AQP9: variants seen among roughly 807,000 people sequenced by gnomAD.
AQP9 encodes aquaporin 9, also known as aquaporin-9.
In AQP9, 19 loss-of-function variants were observed where a neutral mutation model predicts 23.8. The observed-to-expected ratio is 0.80, with a 90% CI of 0.56 to 1.17. AQP9 has a LOEUF of 1.17. Among genes scored for constraint, AQP9 ranks in the 50% most tolerant of loss-of-function variants. The probability of loss-of-function intolerance (pLI) is 0.00; values close to 1 mark genes in which losing one functional copy is unlikely to be tolerated. For synonymous variants in AQP9, 153 were observed against 131.5 expected, an observed-to-expected ratio of 1.16 and a Z score of -1.12; for missense variants, 413 against 362.0, an observed-to-expected ratio of 1.14 and a Z score of -1.14.
chr15:58,152,629 T>C (rs890175491), intron 1 of AQP9: 1 of 152,114 alleles, frequency 6.6e-6, no homozygotes, highest in Admixed American at 6.6e-5. Flanking sequence ...ACCACTATTA[T>C]AAAAACACTA....
intron 1 of AQP9, among the ~76,000 whole-genome samples, chr15:58,147,953 A>G (rs1898079132): frequency 6.6e-6 from 1 of 152,160 alleles, no homozygotes; most frequent in Non-Finnish European, 1.5e-5. Context: ...TTTTGACAAC[A>G]TACCAGGAAG....
Position 58,184,971 on chromosome 15 carries a change from G to T in AQP9, c.*836G>T, listed in dbSNP as rs1261964584. 2 of 152,092 alleles carry T rather than the reference G, an allele frequency of 1.3e-5. No individual in the cohort carries two copies. Among genetic ancestry groups the T allele is most frequent in the East Asian group, 1.9e-4 (1 of 5,196 alleles). 9.4% of individuals were successfully genotyped at this position (152,092 alleles called of 1,614,324 possible). A position where few individuals can be genotyped will look rare whatever the true frequency, so the allele number is the denominator to read the frequency against. Reference sequence around the variant, plus strand: ...ATTGCCCACTTGAGAACAGACATTTGACAAGTTATATCAACGACTGTGCTT... The same window carrying T: ...ATTGCCCACTTGAGAACAGACATTTTACAAGTTATATCAACGACTGTGCTT... On this transcript the variant is annotated 3_prime_UTR_variant, in exon 6 of 6. Coordinates refer to ENST00000219919, the MANE Select transcript of AQP9 (RefSeq NM_020980.5).
rs769134578 is a variant in AQP9, at chr15:58,173,199, T to C, written c.370T>C (p.Tyr124His). The C allele has an allele frequency of 6.2e-7, 1 of 1,614,040 alleles. No individual in the cohort carries two copies. The highest frequency in any genetic ancestry group is 1.3e-5 in the African/African-American group (1 of 74,932). The change falls in exon 3 of 6, where the codon TAC becomes CAC. Residue 124 changes from tyrosine to histidine, a missense_variant. By Grantham distance (83) the Tyr-to-His change is moderately conservative. Coordinates refer to ENST00000219919, the MANE Select transcript of AQP9 (RefSeq NM_020980.5). ...GGGGGCTGCAACCGTCTTTGGCATTTACTATGGTGAGTAAAGTCCCTGAGT... is the reference window on the plus strand; with the variant it reads ...GGGGGCTGCAACCGTCTTTGGCATTCACTATGGTGAGTAAAGTCCCTGAGT... ...FVGAATVFGI[Y>H]YDGLMSFAGG...
intron 3 of AQP9, 97 bp downstream of exon 3, chr15:58,173,302 G>GGAA: frequency 6.5e-7 from 1 of 1,534,172 alleles, no homozygotes; most frequent in Non-Finnish European, 8.9e-7. Context: ...AGCAAGGACG[G>GGAA]GAAGCATTCT....
At chr15:58,182,071 A>G (rs1352052707) in intron 5 of AQP9, among the ~76,000 whole-genome samples, 1 of 152,172 alleles carries the variant, frequency 6.6e-6, no homozygotes, top group Non-Finnish European at 1.5e-5. Flanking sequence ...TGGCAGGTAC[A>G]GCGAGATGCC....
chr15:58,151,749 T>C (rs1190420951), intron 1 of AQP9: 2 of 152,112 alleles, frequency 1.3e-5, no homozygotes, highest in Admixed American at 1.3e-4. Context: ...ATGACTCTCA[T>C]AGCAAAAATA....
intron 1 of AQP9, among the ~76,000 whole-genome samples, chr15:58,157,220 G>A (rs1255160129): frequency 1.3e-5 from 2 of 151,900 alleles, no homozygotes; most frequent in African/African-American, 4.8e-5. Flanking sequence ...CCTGCAGCAG[G>A]GTACAAGGTA....
rs17841969 is a variant in AQP9 at position 58,148,921 on chromosome 15, A to G, written c.111+10245A>G. ...CCTCTCTTTTTATGAGCCTGCCCTA[A>G]TATCGCCTCTTTTCAAGTACAGCTG... On this transcript the variant is annotated intron_variant, in intron 1 of 5. Transcript: ENST00000219919. Among the ~76,000 whole-genome samples, 1,037 of 152,102 alleles carry G rather than the reference A, an allele frequency of 6.8e-3. 15 individuals are homozygous for G. Among genetic ancestry groups the G allele is most frequent in the African/African-American group, 0.022 (914 of 41,466 alleles).
intron 1 of AQP9, among the ~76,000 whole-genome samples, chr15:58,144,493 C>T (rs1898005277): frequency 6.6e-6 from 1 of 152,164 alleles, no homozygotes; most frequent in Admixed American, 6.5e-5. Context: ...ACTTGCACTA[C>T]CTCATATACC....
intron 1 of AQP9, among the ~76,000 whole-genome samples, chr15:58,159,872 G>A (rs1001786655): frequency 6.6e-5 from 10 of 152,212 alleles, no homozygotes; most frequent in East Asian, 3.9e-4. Context: ...GTTTCATTGC[G>A]TATATATGCC....
At chr15:58,175,449 C>G (rs1898730314) in intron 4 of AQP9, among the ~76,000 whole-genome samples, 1 of 152,232 alleles carries the variant, frequency 6.6e-6, no homozygotes, top group African/African-American at 2.4e-5. Context: ...CATCAATCCT[C>G]TCTGTCTCAC....
chr15:58,184,304 AC>A lies in AQP9; in HGVS notation c.*171del. 1 of 668,394 alleles carries A rather than the reference AC, an allele frequency of 1.5e-6. No homozygotes were observed. The allele number at this position is 668,394 out of a possible 1,614,324, so 41.4% of individuals were successfully genotyped here. On this transcript the variant is annotated 3_prime_UTR_variant, in exon 6 of 6. Coordinates refer to ENST00000219919, the MANE Select transcript of AQP9 (RefSeq NM_020980.5). ...TCTGCATAAAAGTTTGGAAACAATGACCACTTCTCTACCATTGTCCCCCACC... is the reference window on the plus strand; with the variant it reads ...TCTGCATAAAAGTTTGGAAACAATGACACTTCTCTACCATTGTCCCCCACC...
At chr15:58,175,325 C>G (rs1711053) in intron 4 of AQP9, among the ~76,000 whole-genome samples, 133,485 of 152,236 alleles carry the variant, frequency 0.88, 59,201 homozygotes, top group Non-Finnish European at 0.95. Context: ...CACAAATGGA[C>G]TTCACTTCAC....
rs1338398023 is a variant in AQP9, at chr15:58,184,584, G to A, written c.*449G>A. Reference sequence around the variant, plus strand: ...ATTGAAAGACAAAACTATGGTTTCAGTCAACATATTCATGAATTAGGGAGC... The same window carrying A: ...ATTGAAAGACAAAACTATGGTTTCAATCAACATATTCATGAATTAGGGAGC... On this transcript the variant is annotated 3_prime_UTR_variant, in exon 6 of 6. Coordinates refer to ENST00000219919, the MANE Select transcript of AQP9 (RefSeq NM_020980.5). 6.5e-5 allele frequency: 10 copies of A among 154,866 alleles called. No individual in the cohort carries two copies. Among genetic ancestry groups the A allele is most frequent in the Non-Finnish European group, 1.4e-5 (1 of 69,786 alleles). 9.6% of individuals were successfully genotyped at this position (154,866 alleles called of 1,614,324 possible). A position where few individuals can be genotyped will look rare whatever the true frequency, so the allele number is the denominator to read the frequency against.
chr15:58,168,371 T>G (rs968446992), intron 2 of AQP9, among the ~76,000 whole-genome samples: 1 of 152,126 alleles, frequency 6.6e-6, no homozygotes, highest in Non-Finnish European at 1.5e-5. Context: ...AATGCTCTAT[T>G]ATGAGAAGGG....
chr15:58,175,181 G>C, intron 4 of AQP9, 145 bp downstream of exon 4: 2 of 805,506 alleles, frequency 2.5e-6, no homozygotes, highest in East Asian at 2.6e-5. Context: ...AAGCTTTCTT[G>C]ATAATCGTTT....
intron 1 of AQP9, 91 bp downstream of exon 1, chr15:58,138,767 T>C: frequency 9.2e-7 from 1 of 1,081,722 alleles, no homozygotes; most frequent in Admixed American, 2.0e-5. Context: ...GTTTGTTTTA[T>C]TTAAGTTAAT....
chr15:58,165,943 A>G (rs1898492134), intron 1 of AQP9, among the ~76,000 whole-genome samples: 2 of 152,234 alleles, frequency 1.3e-5, no homozygotes, highest in African/African-American at 2.4e-5. Flanking sequence ...GGGAGAAAAT[A>G]CATGAGAATA....
chr15:58,148,437 G>T (rs965298458), intron 1 of AQP9, among the ~76,000 whole-genome samples: 2 of 152,092 alleles, frequency 1.3e-5, no homozygotes, highest in African/African-American at 4.8e-5. Context: ...AACATACTTT[G>T]AGATTTGCAG....
Sources: allele counts gnomAD v4.1 joint callset (sites outside exome capture counted in the v4.1 genomes callset), GRCh38; gene constraint gnomAD v4.1.1; transcripts MANE v1.5; gene names NCBI Gene and HGNC (gene_info 2026-07-23, HGNC 2026-07-21).